CPA6: variants seen among roughly 807,000 people sequenced by gnomAD.
The protein encoded by CPA6 is carboxypeptidase B.
Under a neutral mutation model 63.3 loss-of-function variants are expected in CPA6, and 58 were observed. That is an observed-to-expected ratio of 0.92 (90% CI 0.74 to 1.14). CPA6 has a LOEUF of 1.14. Among genes scored for constraint, CPA6 ranks in the 50% most tolerant of loss-of-function variants. CPA6 has a pLI of 0.00. For missense variants in CPA6, 565 were observed against 526.6 expected, an observed-to-expected ratio of 1.07 and a Z score of -0.71; for synonymous variants, 185 against 179.0, an observed-to-expected ratio of 1.03 and a Z score of -0.27.
At chr8:67,532,870 A>T (rs769838045) in intron 2 of CPA6, among the ~76,000 whole-genome samples, 9 of 152,232 alleles carry the variant, frequency 5.9e-5, no homozygotes, top group Non-Finnish European at 1.3e-4. Context: ...TCATGAGTGA[A>T]GAAAGATGGG....
At chr8:67,474,945 G>A (rs889003973) in intron 8 of CPA6, among the ~76,000 whole-genome samples, 11 of 152,124 alleles carry the variant, frequency 7.2e-5, no homozygotes, top group African/African-American at 2.7e-4. Flanking sequence ...AGTGAGCCAT[G>A]ATTACACCAC....
chr8:67,614,509 G>T (rs77259903), intron 2 of CPA6, among the ~76,000 whole-genome samples: 6 of 152,234 alleles, frequency 3.9e-5, no homozygotes, highest in African/African-American at 1.4e-4. Context: ...CTTGAGACCC[G>T]CTGCTGAATA....
intron 1 of CPA6, among the ~76,000 whole-genome samples, chr8:67,658,142 T>C (rs1425017122): frequency 6.6e-6 from 1 of 152,222 alleles, no homozygotes; most frequent in Non-Finnish European, 1.5e-5. Flanking sequence ...GAATTCCTAT[T>C]CATCTTATAA....
intron 1 of CPA6, among the ~76,000 whole-genome samples, chr8:67,723,035 A>G (rs1817531222): frequency 6.6e-6 from 1 of 151,994 alleles, no homozygotes; most frequent in African/African-American, 2.4e-5. Context: ...AATCATACAT[A>G]TTACTCTCAA....
chr8:67,425,294 T>A (rs1196905381), intron 10 of CPA6, among the ~76,000 whole-genome samples: 1 of 152,156 alleles, frequency 6.6e-6, no homozygotes, highest in Non-Finnish European at 1.5e-5. Flanking sequence ...ATTATTAAAT[T>A]TTCAAAGCAT....
intron 8 of CPA6, among the ~76,000 whole-genome samples, chr8:67,452,858 G>A (rs1029845612): frequency 1.3e-5 from 2 of 152,166 alleles, no homozygotes; most frequent in African/African-American, 4.8e-5. Context: ...ATGGCATCCA[G>A]GGAAGAGTTT....
chr8:67,493,854 C>T (rs1811655401), intron 6 of CPA6, among the ~76,000 whole-genome samples: 2 of 152,038 alleles, frequency 1.3e-5, no homozygotes, highest in Non-Finnish European at 2.9e-5. Context: ...GTATATTATA[C>T]ATCTTCAATG....
intron 10 of CPA6, among the ~76,000 whole-genome samples, chr8:67,424,370 G>GAACC (rs1563946833): frequency 1.3e-5 from 2 of 152,112 alleles, no homozygotes; most frequent in African/African-American, 4.8e-5. Context: ...AAAAAGGTTG[G>GAACC]GGACTGCTGC....
chr8:67,500,044 C>T (rs1209931381), intron 6 of CPA6, among the ~76,000 whole-genome samples: 1 of 152,154 alleles, frequency 6.6e-6, no homozygotes, highest in Non-Finnish European at 1.5e-5. Flanking sequence ...ACAGTAGTTC[C>T]ATGCCTAGTT....
chr8:67,547,191 C>T (rs933576993), intron 2 of CPA6, among the ~76,000 whole-genome samples: 39 of 152,150 alleles, frequency 2.6e-4, no homozygotes, highest in African/African-American at 5.8e-4. Context: ...AGACTACAGG[C>T]GCCCGCCACC....
intron 1 of CPA6, among the ~76,000 whole-genome samples, chr8:67,731,295 T>G (rs997331458): frequency 1.3e-5 from 2 of 152,264 alleles, no homozygotes; most frequent in Non-Finnish European, 2.9e-5. Flanking sequence ...GGCAAGTCCT[T>G]TGGTATGCTA....
chr8:67,602,558 A>G (rs1315505440), intron 2 of CPA6, among the ~76,000 whole-genome samples: 1 of 152,212 alleles, frequency 6.6e-6, no homozygotes, highest in Non-Finnish European at 1.5e-5. Flanking sequence ...CTTCCCTTAA[A>G]ATAGAAACAA....
At chr8:67,654,919 C>T (rs1049891614) in intron 1 of CPA6, among the ~76,000 whole-genome samples, 12 of 152,126 alleles carry the variant, frequency 7.9e-5, no homozygotes, top group African/African-American at 2.4e-4. Context: ...TTCTATTGCT[C>T]GCTCTGAAAC....
chr8:67,580,468 A>G (rs1813742620), intron 2 of CPA6, among the ~76,000 whole-genome samples: 2 of 152,196 alleles, frequency 1.3e-5, no homozygotes, highest in African/African-American at 2.4e-5. Context: ...CCTAGTTTAG[A>G]AGCCTCAATG....
intron 8 of CPA6, among the ~76,000 whole-genome samples, chr8:67,459,108 C>G (rs774054302): frequency 6.6e-5 from 10 of 152,196 alleles, no homozygotes; most frequent in Non-Finnish European, 1.2e-4. Context: ...ATGTTTACAA[C>G]AGCTTTCCTT....
At chr8:67,705,471 C>A (rs1415115721) in intron 1 of CPA6, among the ~76,000 whole-genome samples, 3 of 152,166 alleles carry the variant, frequency 2.0e-5, no homozygotes, top group Non-Finnish European at 2.9e-5. Flanking sequence ...GCAAATGGCA[C>A]CACTTCCCTC....
In CPA6 at chr8:67,458,271, A is replaced by T. The variant is rs1587448072; in HGVS notation, c.839-24031T>A. On this transcript the variant is annotated intron_variant, in intron 8 of 10. Transcript: ENST00000297770. Reference sequence around the variant, plus strand: ...GAGTGCAGTGGTGCAATCTCGGCTCACTGCAACCTCCACCTCCCAGGTTCA... The same window carrying T: ...GAGTGCAGTGGTGCAATCTCGGCTCTCTGCAACCTCCACCTCCCAGGTTCA... Among the ~76,000 whole-genome samples, 3 of 152,234 alleles carry T rather than the reference A, an allele frequency of 2.0e-5. No homozygotes were observed. In the East Asian group the frequency reaches 5.8e-4, roughly 29 times the overall value.
rs771817870 is a variant in CPA6 at position 67,484,693 on chromosome 8, A to C, written c.733T>G (p.Phe245Val). The C allele has an allele frequency of 8.2e-6, 13 of 1,582,100 alleles. No individual in the cohort carries two copies. The highest frequency in any genetic ancestry group is 4.4e-5 in the South Asian group (4 of 90,066). Residue 245 changes from phenylalanine to valine, a missense_variant, in exon 7 of 11, where the codon TTT becomes GTT. Coordinates refer to ENST00000297770, the MANE Select transcript of CPA6 (RefSeq NM_020361.5). ...MPVFNVDGYH[F>V]SWTNDRFWRK... ...AAGTGACTTACATTGGTCCAACTAA[A>C]ATGGTATCCATCGACGTTAAACACA...
intron 1 of CPA6, among the ~76,000 whole-genome samples, chr8:67,642,488 A>G (rs1348214445): frequency 6.6e-6 from 1 of 152,200 alleles, no homozygotes; most frequent in African/African-American, 2.4e-5. Context: ...GGAATTGGAC[A>G]AACTGAATCG....
Sources: allele counts gnomAD v4.1 joint callset (sites outside exome capture counted in the v4.1 genomes callset), GRCh38; gene constraint gnomAD v4.1.1; transcripts MANE v1.5; gene names NCBI Gene and HGNC (gene_info 2026-07-23, HGNC 2026-07-21).